RAB1B: variants seen among roughly 807,000 people sequenced by gnomAD.
The protein encoded by RAB1B is RAB1B, member RAS oncogene family.
In RAB1B, 10 loss-of-function variants were observed where a neutral mutation model predicts 24.8. The ratio of observed to expected loss-of-function variants is 0.40; its 90% CI spans 0.25 to 0.68. The LOEUF is 0.68. RAB1B is among the 30% of genes least tolerant of loss of function. The probability of loss-of-function intolerance (pLI) is 0.37; values close to 1 mark genes in which losing one functional copy is unlikely to be tolerated. For synonymous variants in RAB1B, 99 were observed against 111.7 expected (o/e 0.89, Z 0.72); for missense variants, 154 against 271.2 (o/e 0.57, Z 3.04).
rs1185469702 is a variant in RAB1B at position 66,277,368 on chromosome 11, G to T, written c.*1130G>T. ...CCCTTGGGGTGCCCCCCGCTCCCAG[G>T]TTCCCCTCTGGTGTCATGTCAGGCA... On this transcript the variant is annotated 3_prime_UTR_variant, in exon 6 of 6. Coordinates refer to ENST00000311481, the MANE Select transcript of RAB1B (RefSeq NM_030981.3). The T allele has an allele frequency of 6.6e-6, 1 of 152,638 alleles. No homozygotes were observed. Among genetic ancestry groups the T allele is most frequent in the African/African-American group, 2.4e-5 (1 of 41,460 alleles). 9.5% of individuals were successfully genotyped at this position (152,638 alleles called of 1,614,324 possible).
Position 66,268,831 on chromosome 11 carries a change from C to CCCA in RAB1B, c.14+138_14+139insCCA, listed in dbSNP as rs55687530. The CCCA allele has an allele frequency of 3.1e-5, 29 of 928,894 alleles. 1 individual carries two copies. The highest frequency in any genetic ancestry group is 3.9e-5 in the Non-Finnish European group (27 of 694,954). 57.5% of individuals were successfully genotyped at this position (928,894 alleles called of 1,614,324 possible). ...GGTCCCTCTTCCGCTGACCCCCCCC[C>CCCA]ACATCCGGGTTCTGCCCCTCCCCCC... On this transcript the variant is annotated intron_variant, in intron 1 of 5. Transcript: ENST00000311481.
chr11:66,269,115 C>T (rs746978232), intron 1 of RAB1B, among the ~76,000 whole-genome samples: 1 of 152,030 alleles, frequency 6.6e-6, no homozygotes, highest in Non-Finnish European at 1.5e-5. Context: ...GCAGTGAATC[C>T]CTCTACCCTT....
Position 66,276,828 on chromosome 11 carries a change from G to C in RAB1B, c.*590G>C, listed in dbSNP as rs1044226983. On this transcript the variant is annotated 3_prime_UTR_variant, in exon 6 of 6. Transcript: ENST00000311481. ...AGCTCGAGCCGTCCAGCTGCGGTGG[G>C]ATCTGAGTATATCTAGGGCGGGTGG... The C allele has an allele frequency of 6.3e-4, 74 of 117,832 alleles. No individual in the cohort carries two copies. Among genetic ancestry groups the C allele is most frequent in the African/African-American group, 2.0e-3 (63 of 31,076 alleles). The allele number at this position is 117,832 out of a possible 1,614,324, so 7.3% of individuals were successfully genotyped here. A position where few individuals can be genotyped will look rare whatever the true frequency, so the allele number is the denominator to read the frequency against.
intron 4 of RAB1B, among the ~76,000 whole-genome samples, chr11:66,275,516 G>A (rs549854717): frequency 6.6e-6 from 1 of 152,302 alleles, no homozygotes; most frequent in East Asian, 1.9e-4. Flanking sequence ...AAGTGTCTCA[G>A]GGAGAGAGAC....
At position 66,276,200 on chromosome 11, in the gene RAB1B, A is replaced by T; in HGVS notation, c.568A>T (p.Ser190Cys). The change falls in exon 6 of 6, where the codon AGC becomes TGC. Residue 190 changes from serine (S) to cysteine (C), a missense_variant. Ser to Cys is a moderately radical substitution (Grantham distance 112, BLOSUM62 -1). Around this residue, in one of 2 missense-constraint regions of RAB1B, gnomAD observed 77 missense variants for 97.8 expected, o/e 0.79. Transcript: ENST00000311481. ...GGERPNLKID[S>C]TPVKPAGGGC... is the part of the protein sequence containing the mutation. ...CGAGCGGCCCAATCTCAAGATCGAC[A>T]GCACCCCTGTAAAGCCGGCTGGCGG... 2 of 1,604,514 alleles carry T rather than the reference A, an allele frequency of 1.2e-6. No homozygotes were observed. The highest frequency in any genetic ancestry group is 1.7e-6 in the Non-Finnish European group (2 of 1,177,216).
chr11:66,268,843 CT>C (rs1271737241), intron 1 of RAB1B, 150 bp downstream of exon 1: 15 of 811,942 alleles, frequency 1.8e-5, no homozygotes, highest in African/African-American at 2.7e-5. Context: ...CATCCGGGTT[CT>C]GCCCCTCCCC....
At chr11:66,275,541 G>A (rs1175251102) in intron 4 of RAB1B, among the ~76,000 whole-genome samples, 1 of 152,196 alleles carries the variant, frequency 6.6e-6, no homozygotes, top group Non-Finnish European at 1.5e-5. Context: ...GCAGGGAGCA[G>A]AGCTGGCAGG....
Position 66,271,837 on chromosome 11 carries a change from G to A in RAB1B, c.55G>A (p.Val19Met). Residue 19 changes from valine (V) to methionine (M), a missense_variant, in exon 2 of 6, where the codon GTG becomes ATG. Val to Met is a conservative substitution (Grantham distance 21, BLOSUM62 1). Coordinates refer to ENST00000311481, the MANE Select transcript of RAB1B (RefSeq NM_030981.3). ...GCTGCTTTTGATTGGCGACTCAGGCGTGGGCAAGTCATGCCTGCTCCTGCG... is the reference window on the plus strand; with the variant it reads ...GCTGCTTTTGATTGGCGACTCAGGCATGGGCAAGTCATGCCTGCTCCTGCG... ...FKLLLIGDSG[V>M]GKSCLLLRFA... 6.2e-7 allele frequency: 1 copy of A among 1,614,062 alleles called. No homozygotes were observed. The highest frequency in any genetic ancestry group is 8.5e-7 in the Non-Finnish European group (1 of 1,179,962).
intron 1 of RAB1B, among the ~76,000 whole-genome samples, chr11:66,269,224 C>A (rs549686251): frequency 3.3e-5 from 5 of 152,136 alleles, no homozygotes; most frequent in African/African-American, 1.2e-4. Flanking sequence ...CCCGCAGGTC[C>A]TCTCTTCCGG....
intron 4 of RAB1B, among the ~76,000 whole-genome samples, chr11:66,273,507 T>TAA (rs1857093498): frequency 2.0e-5 from 3 of 152,198 alleles, no homozygotes; most frequent in African/African-American, 7.2e-5. Flanking sequence ...CGATTCTCTA[T>TAA]TGTCAGTGTC....
chr11:66,275,970 G>T (rs775399820), intron 5 of RAB1B, 35 bp downstream of exon 5: 2 of 1,607,252 alleles, frequency 1.2e-6, no homozygotes, highest in South Asian at 2.2e-5. Context: ...GGGTCGGGGC[G>T]CTGGGGCCTG....
rs146018652 is a variant in RAB1B, at chr11:66,272,328, C to T, written c.184-37C>T. 12 of 1,606,004 alleles carry T rather than the reference C, an allele frequency of 7.5e-6. No homozygotes were observed. The East Asian group carries it at 2.0e-4, about 27-fold the overall frequency. On this transcript the variant is annotated intron_variant, in intron 3 of 5. Coordinates refer to ENST00000311481, the MANE Select transcript of RAB1B (RefSeq NM_030981.3). ...AGGGAAGGGACTCTGGGACTCTGGA[C>T]CTCAGCTGACCTGCTCCTCTGCCTA...
chr11:66,275,975 G>A, intron 5 of RAB1B, 40 bp downstream of exon 5: 4 of 1,607,974 alleles, frequency 2.5e-6, no homozygotes, highest in Non-Finnish European at 3.4e-6. Context: ...GGGGCGCTGG[G>A]GCCTGCTGCC....
rs1339889942 is a variant in RAB1B, at chr11:66,276,309, C to CCTCCCT, written c.*82_*87dup. The CCTCCCT allele has an allele frequency of 2.9e-6, 4 of 1,367,726 alleles. No individual in the cohort carries two copies. In the East Asian group the frequency reaches 9.8e-5, roughly 34 times the overall value. The allele number at this position is 1,367,726 out of a possible 1,614,324, so 84.7% of individuals were successfully genotyped here. A position where few individuals can be genotyped will look rare whatever the true frequency, so the allele number is the denominator to read the frequency against. ...ATGTCCCTGGAGGGGGCAGGAGGTA[C>CCTCCCT]CTCCCTCTCCCTCTCCTGGGGCATT... is the stretch of plus-strand genomic sequence containing the variant. On this transcript the variant is annotated 3_prime_UTR_variant, in exon 6 of 6. Transcript: ENST00000311481.
At position 66,268,647 on chromosome 11, in the gene RAB1B, C is replaced by T. The variant is rs1247352306; in HGVS notation, c.-33C>T. 5.1e-6 allele frequency: 8 copies of T among 1,559,068 alleles called. No individual in the cohort carries two copies. The highest frequency in any genetic ancestry group is 8.7e-7 in the Non-Finnish European group (1 of 1,153,918). ...GGAACGGGAGGCGGAGCAGAGTCGA[C>T]TGGGAGCGACCGAGCGGGCCGCCGC... On this transcript the variant is annotated 5_prime_UTR_variant, in exon 1 of 6. Transcript: ENST00000311481.
chr11:66,274,508 C>T (rs1448001276), intron 4 of RAB1B, among the ~76,000 whole-genome samples: 1 of 152,138 alleles, frequency 6.6e-6, no homozygotes, highest in African/African-American at 2.4e-5. Flanking sequence ...GCTCAGTGCA[C>T]GTTCTCTTCC....
At chr11:66,271,898 C>G (rs372928894) in intron 2 of RAB1B, 29 bp downstream of exon 2, 88 of 1,575,970 alleles carry the variant, frequency 5.6e-5, no homozygotes, top group African/African-American at 6.7e-5. Context: ...ATACCATCCA[C>G]CTGGGGTCCT....
In RAB1B at chr11:66,275,924, A is replaced by G. The variant is rs924091621; in HGVS notation, c.400A>G (p.Thr134Ala). 3.1e-6 allele frequency: 5 copies of G among 1,611,134 alleles called. No individual in the cohort carries two copies. In the African/African-American group the frequency reaches 6.7e-5, roughly 22 times the overall value. Reference sequence around the variant, plus strand: ...CACCACCAAGAAGGTGGTGGACAACACCACAGCCAAGGTAGCAGACGGGCC... The same window carrying G: ...CACCACCAAGAAGGTGGTGGACAACGCCACAGCCAAGGTAGCAGACGGGCC... ...DLTTKKVVDN[T>A]TAKEFADSLG... The change falls in exon 5 of 6, where the codon ACC becomes GCC. Residue 134 changes from threonine to alanine, a missense_variant. Thr to Ala is a moderately conservative substitution (Grantham distance 58). Coordinates refer to ENST00000311481, the MANE Select transcript of RAB1B (RefSeq NM_030981.3).
rs1856983057 is a variant in RAB1B, at chr11:66,268,675, C to T, written c.-5C>T. 1.3e-6 allele frequency: 2 copies of T among 1,568,368 alleles called. No individual in the cohort carries two copies. The highest frequency in any genetic ancestry group is 1.4e-5 in the African/African-American group (1 of 73,878). On this transcript the variant is annotated 5_prime_UTR_variant, in exon 1 of 6. Coordinates refer to ENST00000311481, the MANE Select transcript of RAB1B (RefSeq NM_030981.3). ...GGAGCGACCGAGCGGGCCGCCGCCG[C>T]CGCCATGAACCCCGAATAGTGAGTG...
Sources: allele counts gnomAD v4.1 joint callset (sites outside exome capture counted in the v4.1 genomes callset), GRCh38; gene constraint gnomAD v4.1.1; regional missense constraint gnomAD v4.1.1; transcripts MANE v1.5; gene names NCBI Gene and HGNC (gene_info 2026-07-23, HGNC 2026-07-21).